The following CDKN1A variants were observed in gnomAD, a reference collection of about 807,000 sequenced individuals.
CDKN1A encodes the protein cyclin-dependent kinase inhibitor 1.
In CDKN1A, 14 loss-of-function variants were observed where a neutral mutation model predicts 14.8. The ratio of observed to expected loss-of-function variants is 0.94; its 90% CI spans 0.62 to 1.48. CDKN1A has a LOEUF of 1.48. CDKN1A is among the 40% of genes most tolerant of loss of function. The pLI, the probability that CDKN1A is intolerant of heterozygous loss-of-function variation, is 0.00. For synonymous variants in CDKN1A, 92 were observed against 93.5 expected (o/e 0.98, Z 0.09); for missense variants, 203 against 231.7 (o/e 0.88, Z 0.80).
At chr6:36,678,475 A>G (rs999163601), upstream of CDKN1A, 1 of 162,358 alleles carries the variant, frequency 6.2e-6, no homozygotes, top group Admixed American at 6.5e-5. The surrounding 1 kb of genome is among the most constrained non-coding windows in gnomAD (Gnocchi z 5.7). Context: ...CAGCGCACCA[A>G]CGCAGGCGAG....
intron 2 of CDKN1A, among the ~76,000 whole-genome samples, chr6:36,685,077 C>T (rs556979976): frequency 6.6e-6 from 1 of 152,290 alleles, no homozygotes; most frequent in East Asian, 1.9e-4. Context: ...TGAGCTCAAG[C>T]AGTCCTCCTG....
rs780909704 is a variant in CDKN1A at position 36,684,291 on chromosome 6, G to A, written c.190G>A (p.Ala64Thr). 18 of 1,613,218 alleles carry A rather than the reference G, an allele frequency of 1.1e-5. No homozygotes were observed. Among genetic ancestry groups the A allele is most frequent in the African/African-American group, 8.0e-5 (6 of 74,934 alleles). ...CGAGACACCACTGGAGGGTGACTTC[G>A]CCTGGGAGCGTGTGCGGGGCCTTGG... ...VTETPLEGDF[A>T]WERVRGLGLP... Residue 64 changes from alanine to threonine, a missense_variant, in exon 2 of 3, where the codon GCC becomes ACC. By Grantham distance (58) the Ala-to-Thr change is moderately conservative. Coordinates refer to ENST00000244741, the MANE Select transcript of CDKN1A (RefSeq NM_000389.5). The surrounding 1 kb of genome is among the most constrained non-coding windows in gnomAD (Gnocchi z 6.0).
chr6:36,680,288 G>A (rs1382789148), intron 1 of CDKN1A, among the ~76,000 whole-genome samples: 1 of 97,754 alleles, frequency 1.0e-5, no homozygotes, highest in Non-Finnish European at 2.3e-5. Context: ...GCGCGCGCGC[G>A]CGTGCGTGTC....
Position 36,684,309 on chromosome 6 carries a change from G to A in CDKN1A, c.208G>A (p.Gly70Ser), listed in dbSNP as rs774365048. 16 of 1,613,298 alleles carry A rather than the reference G, an allele frequency of 9.9e-6. No individual in the cohort carries two copies. The Admixed American group carries it at 2.5e-4, about 25-fold the overall frequency. Residue 70 changes from glycine (G) to serine (S), a missense_variant, in exon 2 of 3, where the codon GGC becomes AGC. By Grantham distance (56) the Gly-to-Ser change is moderately conservative. Transcript: ENST00000244741. This position sits in a 1 kb window ranked among gnomAD's most constrained non-coding sequence, Gnocchi z 6.0. ...TGACTTCGCCTGGGAGCGTGTGCGGGGCCTTGGCCTGCCCAAGCTCTACCT... is the reference window on the plus strand; with the variant it reads ...TGACTTCGCCTGGGAGCGTGTGCGGAGCCTTGGCCTGCCCAAGCTCTACCT... ...EGDFAWERVRGLGLPKLYLPT... is the reference protein window; with the variant it reads ...EGDFAWERVRSLGLPKLYLPT...
intron 1 of CDKN1A, among the ~76,000 whole-genome samples, chr6:36,683,173 A>G (rs1304547557): frequency 6.6e-6 from 1 of 152,226 alleles, no homozygotes; most frequent in Non-Finnish European, 1.5e-5. Context: ...CTGGCACGTT[A>G]CCTACATTAA....
rs779250316 is a variant in CDKN1A at position 36,684,157 on chromosome 6, G to A, written c.56G>A (p.Arg19His). The A allele has an allele frequency of 3.1e-6, 5 of 1,612,466 alleles. No homozygotes were observed. The highest frequency in any genetic ancestry group is 1.3e-5 in the African/African-American group (1 of 74,938). Reference sequence around the variant, plus strand: ...AACCCATGCGGCAGCAAGGCCTGCCGCCGCCTCTTCGGCCCAGTGGACAGC... The same window carrying A: ...AACCCATGCGGCAGCAAGGCCTGCCACCGCCTCTTCGGCCCAGTGGACAGC... ...RQNPCGSKAC[R>H]RLFGPVDSEQ... Residue 19 changes from arginine (R) to histidine (H), a missense_variant, in exon 2 of 3, where the codon CGC (arginine) becomes CAC (histidine). By Grantham distance (29) the Arg-to-His change is conservative (BLOSUM62 0). Transcript: ENST00000244741. The surrounding 1 kb of genome is among the most constrained non-coding windows in gnomAD (Gnocchi z 6.0).
At position 36,681,322 on chromosome 6, in the gene CDKN1A, TTC is replaced by T. The variant is rs1465440760; in HGVS notation, c.-6+2526_-6+2527del. Among the ~76,000 whole-genome samples, 90 of 124,736 alleles carry T rather than the reference TTC, an allele frequency of 7.2e-4. 1 individual carries two copies. The highest frequency in any genetic ancestry group is 1.9e-3 in the African/African-American group (64 of 34,490). 81.8% of individuals were successfully genotyped at this position (124,736 alleles called of 152,430 possible). The stretch of plus-strand genomic sequence containing the variant: ...TTTCTTTCTTTCTTTCTTTCTTTCT[TTC>T]TTTCTTTCTTTTTCTTTCTTTCTTT... On this transcript the variant is annotated intron_variant, in intron 1 of 2. Transcript: ENST00000244741.
upstream of CDKN1A, chr6:36,678,669 G>A (rs1431088681): frequency 1.0e-6 from 1 of 985,256 alleles, no homozygotes; most frequent in Non-Finnish European, 1.2e-6. This position sits in a 1 kb window ranked among gnomAD's most constrained non-coding sequence, Gnocchi z 5.7. Flanking sequence ...AGGCGGGCCC[G>A]GGCGGGGCGG....
rs777824384 is a variant in CDKN1A at position 36,686,288 on chromosome 6, C to T, written c.*488C>T. 2.4e-5 allele frequency: 7 copies of T among 296,122 alleles called. No homozygotes were observed. The highest frequency in any genetic ancestry group is 3.8e-5 in the Non-Finnish European group (6 of 156,738). The allele number at this position is 296,122 out of a possible 1,614,324, so 18.3% of individuals were successfully genotyped here. A position where few individuals can be genotyped will look rare whatever the true frequency, so the allele number is the denominator to read the frequency against. On this transcript the variant is annotated 3_prime_UTR_variant, in exon 3 of 3. Coordinates refer to ENST00000244741, the MANE Select transcript of CDKN1A (RefSeq NM_000389.5). The surrounding 1 kb of genome is among the most constrained non-coding windows in gnomAD (Gnocchi z 4.9). ...AGATGGCACTTTGAAGGGGCCTCAC[C>T]GAGTGGGGGCATCATCAAAAACTTT...
chr6:36,678,773 C>T lies in CDKN1A; in HGVS notation c.-31C>T. ...GGAGCCGGAGCTGGGCGCGGATTCG[C>T]CGAGGCACCGAGGCACTCAGAGGAG... On this transcript the variant is annotated 5_prime_UTR_variant, in exon 1 of 3. Transcript: ENST00000244741. This position sits in a 1 kb window ranked among gnomAD's most constrained non-coding sequence, Gnocchi z 5.7. 3 of 985,756 alleles carry T rather than the reference C, an allele frequency of 3.0e-6. No individual in the cohort carries two copies. The highest frequency in any genetic ancestry group is 3.6e-6 in the Non-Finnish European group (3 of 830,170). The allele number at this position is 985,756 out of a possible 1,614,324, so 61.1% of individuals were successfully genotyped here.
At chr6:36,681,280 T>TTC (rs1554185352) in intron 1 of CDKN1A, among the ~76,000 whole-genome samples, 6,802 of 113,008 alleles carry the variant, frequency 0.06, 526 homozygotes, top group African/African-American at 0.08. Flanking sequence ...TTCTTTCTTT[T>TTC]TTTCTTTCTT....
rs544057426 is a variant in CDKN1A, at chr6:36,686,611, G to A, written c.*811G>A. On this transcript the variant is annotated 3_prime_UTR_variant, in exon 3 of 3. Transcript: ENST00000244741. This position sits in a 1 kb window ranked among gnomAD's most constrained non-coding sequence, Gnocchi z 4.9. ...GGCTCTGCAATTCCCCTCTGCTGCT[G>A]TCCCTCCCCCTTGTCCTTTCCCTTC... 2 of 234,100 alleles carry A rather than the reference G, an allele frequency of 8.5e-6. No individual in the cohort carries two copies. Among genetic ancestry groups the A allele is most frequent in the East Asian group, 1.2e-4 (2 of 16,614 alleles). 14.5% of individuals were successfully genotyped at this position (234,100 alleles called of 1,614,324 possible).
At chr6:36,677,151 A>C (rs1215200346), upstream of CDKN1A, among the ~76,000 whole-genome samples, 1 of 152,158 alleles carries the variant, frequency 6.6e-6, no homozygotes, top group Non-Finnish European at 1.5e-5. Context: ...AGTGGGGCTT[A>C]GAGTGGGGTC....
At position 36,684,365 on chromosome 6, in the gene CDKN1A, G is replaced by A. The variant is rs2150313894; in HGVS notation, c.264G>A (p.Glu88=). Residue 88 remains glutamate, a synonymous_variant, in exon 2 of 3, where the codon GAG becomes GAA. Coordinates refer to ENST00000244741, the MANE Select transcript of CDKN1A (RefSeq NM_000389.5). The surrounding 1 kb of genome is among the most constrained non-coding windows in gnomAD (Gnocchi z 6.0). The stretch of plus-strand genomic sequence containing the variant: ...CGGGGCCCCGGCGAGGCCGGGATGA[G>A]TTGGGAGGAGGCAGGCGGCCTGGCA... ...LPTGPRRGRD[E]LGGGRRPGTS... 6.2e-7 allele frequency: 1 copy of A among 1,613,472 alleles called. No homozygotes were observed. The highest frequency in any genetic ancestry group is 8.5e-7 in the Non-Finnish European group (1 of 1,179,860).
chr6:36,679,237 A>C (rs755011579), intron 1 of CDKN1A, among the ~76,000 whole-genome samples: 1 of 152,168 alleles, frequency 6.6e-6, no homozygotes, highest in Non-Finnish European at 1.5e-5. Flanking sequence ...AGGGCGAGGA[A>C]AGCGGAGTGG....
intron 1 of CDKN1A, among the ~76,000 whole-genome samples, chr6:36,679,547 C>T (rs1054549236): frequency 6.6e-6 from 1 of 152,244 alleles, no homozygotes; most frequent in African/African-American, 2.4e-5. Context: ...CCTTCGCGGT[C>T]TCCGTCCTCC....
rs1423551932 is a variant in CDKN1A at position 36,686,044 on chromosome 6, T to A, written c.*244T>A. ...TGCTGGGCATTTTTATTTTATGAAATACTATTTAAAGCCTCCTCATCCCGT... is the reference window on the plus strand; with the variant it reads ...TGCTGGGCATTTTTATTTTATGAAAAACTATTTAAAGCCTCCTCATCCCGT... On this transcript the variant is annotated 3_prime_UTR_variant, in exon 3 of 3. Coordinates refer to ENST00000244741, the MANE Select transcript of CDKN1A (RefSeq NM_000389.5). This position sits in a 1 kb window ranked among gnomAD's most constrained non-coding sequence, Gnocchi z 4.9. 1 of 569,678 alleles carries A rather than the reference T, an allele frequency of 1.8e-6. No homozygotes were observed. Among genetic ancestry groups the A allele is most frequent in the African/African-American group, 1.9e-5 (1 of 53,294 alleles). The allele number at this position is 569,678 out of a possible 1,614,324, so 35.3% of individuals were successfully genotyped here.
chr6:36,683,453 G>A (rs1268519318), intron 1 of CDKN1A, among the ~76,000 whole-genome samples: 3 of 152,180 alleles, frequency 2.0e-5, no homozygotes, highest in African/African-American at 7.2e-5. Context: ...CTTTAAACTT[G>A]TACATGGCCC....
intron 2 of CDKN1A, among the ~76,000 whole-genome samples, chr6:36,685,115 C>T (rs1342506042): frequency 7.9e-5 from 12 of 152,220 alleles, no homozygotes; most frequent in African/African-American, 2.4e-4. Flanking sequence ...GTTGTGATTA[C>T]AGGCGTGAGC....
Sources: allele counts gnomAD v4.1 joint callset (sites outside exome capture counted in the v4.1 genomes callset), GRCh38; gene constraint gnomAD v4.1.1; non-coding constraint Gnocchi (gnomAD v3.1); transcripts MANE v1.5; gene names NCBI Gene and HGNC (gene_info 2026-07-23, HGNC 2026-07-21).